Variants in ADRA1B observed in about 807,000 individuals in gnomAD.
The protein encoded by ADRA1B is adrenoceptor alpha 1B.
In ADRA1B, 17 loss-of-function variants were observed where a neutral mutation model predicts 17.9. That is an observed-to-expected ratio of 0.95 (90% CI 0.65 to 1.42). ADRA1B has a LOEUF of 1.42. Ranked by LOEUF, ADRA1B falls within the 40% of genes most tolerant of loss-of-function variation. ADRA1B has a pLI of 0.00. For missense variants in ADRA1B, 681 were observed against 722.1 expected, an observed-to-expected ratio of 0.94 and a Z score of 0.65; for synonymous variants, 366 against 327.6, an observed-to-expected ratio of 1.12 and a Z score of -1.27.
At chr5:159,895,544 T>C (rs1195282796) in intron 1 of ADRA1B, among the ~76,000 whole-genome samples, 1 of 152,208 alleles carries the variant, frequency 6.6e-6, no homozygotes, top group Non-Finnish European at 1.5e-5. Flanking sequence ...GTGCTCAGTA[T>C]TTACAATCCC....
intron 1 of ADRA1B, among the ~76,000 whole-genome samples, chr5:159,877,511 CCTT>C (rs1280384116): frequency 2.2e-4 from 34 of 152,266 alleles, no homozygotes; most frequent in African/African-American, 7.9e-4. Context: ...TCTCCAGCCT[CCTT>C]CTAAACACTT....
At chr5:159,904,490 C>T (rs773477841) in intron 1 of ADRA1B, among the ~76,000 whole-genome samples, 38 of 152,198 alleles carry the variant, frequency 2.5e-4, no homozygotes, top group Non-Finnish European at 4.3e-4. Context: ...AAAAAGTTTC[C>T]TCACAAATCG....
At chr5:159,966,269 C>T (rs115552814) in intron 1 of ADRA1B, among the ~76,000 whole-genome samples, 1,641 of 152,324 alleles carry the variant, frequency 0.011, 31 homozygotes, top group African/African-American at 0.036. Context: ...TAGTTAATTA[C>T]TATTCATGCA....
At chr5:159,929,899 C>T (rs116547954) in intron 1 of ADRA1B, among the ~76,000 whole-genome samples, 4,046 of 152,198 alleles carry the variant, frequency 0.027, 80 homozygotes, top group Non-Finnish European at 0.036. Context: ...TATCCACATG[C>T]GTATATGTAT....
chr5:159,932,121 A>G (rs981598196), intron 1 of ADRA1B, among the ~76,000 whole-genome samples: 18 of 151,952 alleles, frequency 1.2e-4, no homozygotes, highest in Admixed American at 2.0e-4. Context: ...GATGAAACTG[A>G]GTCTTTTCAT....
At chr5:159,926,255 G>A (rs370978976) in intron 1 of ADRA1B, among the ~76,000 whole-genome samples, 5 of 152,046 alleles carry the variant, frequency 3.3e-5, no homozygotes, top group South Asian at 2.1e-4. Flanking sequence ...GTAAACATGC[G>A]GTTCTGCTGA....
intron 1 of ADRA1B, chr5:159,867,177 T>C (rs887852882): frequency 3.9e-5 from 6 of 152,190 alleles, no homozygotes; most frequent in Non-Finnish European, 7.3e-5. Flanking sequence ...CTCAAAATCC[T>C]TGAAATCTCA....
chr5:159,924,121 A>G (rs1188717629), intron 1 of ADRA1B, among the ~76,000 whole-genome samples: 2 of 152,282 alleles, frequency 1.3e-5, no homozygotes, highest in Non-Finnish European at 2.9e-5. Context: ...CTGGCTTATG[A>G]CGAATCAGAA....
upstream of ADRA1B, among the ~76,000 whole-genome samples, chr5:159,915,019 G>A (rs77875476): frequency 0.026 from 4,002 of 152,280 alleles, 81 homozygotes; most frequent in Non-Finnish European, 0.036. Flanking sequence ...TCAAAGAATT[G>A]TAAAGTCTCA....
At chr5:159,941,254 A>G (rs1581053210) in intron 1 of ADRA1B, among the ~76,000 whole-genome samples, 3 of 152,378 alleles carry the variant, frequency 2.0e-5, no homozygotes, top group Non-Finnish European at 1.5e-5. Context: ...AGTGACTGCC[A>G]TATTGGACTG....
At chr5:159,902,536 C>A (rs1352722246) in intron 1 of ADRA1B, among the ~76,000 whole-genome samples, 3 of 152,064 alleles carry the variant, frequency 2.0e-5, no homozygotes, top group Admixed American at 2.0e-4. Context: ...GAAGTTGAAC[C>A]TATTCAAAGA....
At chr5:159,955,076 A>C in intron 1 of ADRA1B, 5 of 887,966 alleles carry the variant, frequency 5.6e-6, no homozygotes, top group Non-Finnish European at 6.7e-6. Context: ...TAATCATTTC[A>C]TTATACAATA....
At chr5:159,945,776 C>A (rs535210014) in intron 1 of ADRA1B, among the ~76,000 whole-genome samples, 68 of 147,518 alleles carry the variant, frequency 4.6e-4, no homozygotes, top group South Asian at 1.3e-3. Context: ...GAGACGGAGT[C>A]TTGCTCTGTT....
downstream of ADRA1B, among the ~76,000 whole-genome samples, chr5:159,977,735 G>A (rs1755994360): frequency 6.6e-6 from 1 of 152,292 alleles, no homozygotes; most frequent in East Asian, 1.9e-4. Flanking sequence ...TGAAGTGTGG[G>A]TGTTGGGGTG....
the ADRA1B span, among the ~76,000 whole-genome samples, chr5:159,988,813 CA>C: frequency 6.6e-6 from 1 of 151,962 alleles, no homozygotes; most frequent in African/African-American, 2.4e-5. Flanking sequence ...CCCATCTCTA[CA>C]AAAAAAATTT....
At chr5:159,969,427 A>G (rs1433142484) in intron 1 of ADRA1B, among the ~76,000 whole-genome samples, 1 of 152,246 alleles carries the variant, frequency 6.6e-6, no homozygotes, top group East Asian at 1.9e-4. Context: ...AAGAAAGTGA[A>G]ATGCTACAGA....
At chr5:159,899,895 G>A (rs34445040) in intron 1 of ADRA1B, among the ~76,000 whole-genome samples, 33,817 of 152,132 alleles carry the variant, frequency 0.22, 3,865 homozygotes, top group African/African-American at 0.24. Flanking sequence ...AAGATTCCCA[G>A]AATCTCTGCC....
intron 1 of ADRA1B, among the ~76,000 whole-genome samples, chr5:159,945,952 T>C (rs1755261198): frequency 2.0e-5 from 3 of 152,152 alleles, no homozygotes; most frequent in African/African-American, 7.2e-5. Context: ...TTTCACCATG[T>C]TAGCCAGGAT....
At chr5:159,942,928 T>C (rs1037184134) in intron 1 of ADRA1B, among the ~76,000 whole-genome samples, 1 of 152,196 alleles carries the variant, frequency 6.6e-6, no homozygotes, top group Non-Finnish European at 1.5e-5. Context: ...TAATTTGTAA[T>C]GCTTTCTTTA....
Sources: allele counts gnomAD v4.1 joint callset (sites outside exome capture counted in the v4.1 genomes callset), GRCh38; gene constraint gnomAD v4.1.1; transcripts MANE v1.5; gene names NCBI Gene and HGNC (gene_info 2026-07-23, HGNC 2026-07-21).